Variants in ZC3H14 observed in about 807,000 individuals in gnomAD.
ZC3H14 encodes zinc finger CCCH-type containing 14.
ZC3H14 carries 31 observed loss-of-function variants against 92.4 expected under a neutral mutation model. That is an observed-to-expected ratio of 0.34 (90% CI 0.25 to 0.45). The LOEUF (loss-of-function observed/expected upper bound fraction) is 0.45, where lower values mean the gene tolerates loss of function less well. Ranked by LOEUF, ZC3H14 falls within the 20% of genes least tolerant of loss-of-function variation. ZC3H14 has a pLI of 1.00. For missense variants in ZC3H14, 781 were observed against 897.3 expected (o/e 0.87, Z 1.66); for synonymous variants, 321 against 300.9 (o/e 1.07, Z -0.69).
Position 88,611,922 on chromosome 14 carries a change from T to TATTA in ZC3H14, c.*172_*175dup. The TATTA allele has an allele frequency of 1.1e-6, 1 of 887,376 alleles. No individual in the cohort carries two copies. Among genetic ancestry groups the TATTA allele is most frequent in the African/African-American group, 1.7e-5 (1 of 58,504 alleles). The allele number at this position is 887,376 out of a possible 1,614,324, so 55.0% of individuals were successfully genotyped here. A position where few individuals can be genotyped will look rare whatever the true frequency, so the allele number is the denominator to read the frequency against. On this transcript the variant is annotated 3_prime_UTR_variant, in exon 17 of 17. Coordinates refer to ENST00000251038, the MANE Select transcript of ZC3H14 (RefSeq NM_024824.5). ...GTCTAATTTTTCAAGTTTGTAAGTT[T>TATTA]ATTATGTGGTTTTAACATTGGGTGT...
chr14:88,575,003 C>G, intron 7 of ZC3H14, 150 bp downstream of exon 7: 1 of 1,183,856 alleles, frequency 8.4e-7, no homozygotes, highest in East Asian at 2.6e-5. Flanking sequence ...GTGCCACGAT[C>G]TCGGCTCACT....
chr14:88,620,780 G>C lies in ZC3H14; in HGVS notation c.*9029G>C. On this transcript the variant is annotated 3_prime_UTR_variant, in exon 17 of 17. Transcript: ENST00000251038. The surrounding 1 kb of genome is among the most constrained non-coding windows in gnomAD (Gnocchi z 4.3). ...TGATATCATGGATTGCACATCTCCT[G>C]TCTCTCTTCTTTCCCCATATTTTTA... The C allele has an allele frequency of 1.2e-6, 2 of 1,604,314 alleles. No individual in the cohort carries two copies. Among genetic ancestry groups the C allele is most frequent in the Non-Finnish European group, 1.7e-6 (2 of 1,176,866 alleles).
intron 8 of ZC3H14, 91 bp from the exon 9 acceptor site, chr14:88,577,894 G>GA (rs2081369461): frequency 6.5e-7 from 1 of 1,534,940 alleles, no homozygotes; most frequent in Admixed American, 1.7e-5. Context: ...TAAACCAAAG[G>GA]AGGCATTTAT....
Position 88,618,032 on chromosome 14 carries a change from C to T in ZC3H14, c.*6281C>T. 2 of 375,412 alleles carry T rather than the reference C, an allele frequency of 5.3e-6. No individual in the cohort carries two copies. Among genetic ancestry groups the T allele is most frequent in the Non-Finnish European group, 9.4e-6 (2 of 212,430 alleles). The allele number at this position is 375,412 out of a possible 1,614,324, so 23.3% of individuals were successfully genotyped here. A position where few individuals can be genotyped will look rare whatever the true frequency, so the allele number is the denominator to read the frequency against. On this transcript the variant is annotated 3_prime_UTR_variant, in exon 17 of 17. Coordinates refer to ENST00000251038, the MANE Select transcript of ZC3H14 (RefSeq NM_024824.5). The stretch of plus-strand genomic sequence containing the variant: ...TCCTTAAAAAAAAAACTTGATAAAT[C>T]ATGGAAACTGATAAAACATGGAAAT...
intron 9 of ZC3H14, chr14:88,594,724 T>C (rs2083570699): frequency 1.2e-6 from 2 of 1,613,986 alleles, no homozygotes; most frequent in Non-Finnish European, 1.7e-6. Context: ...TCCTGTCACC[T>C]TTATGAGAAT....
chr14:88,577,265 A>T (rs1030031425), intron 8 of ZC3H14, among the ~76,000 whole-genome samples: 2 of 152,222 alleles, frequency 1.3e-5, no homozygotes, highest in Admixed American at 6.5e-5. Context: ...TCTATCAGCA[A>T]TATTAATTGT....
Position 88,626,640 on chromosome 14 carries a change from C to G in ZC3H14, c.*14889C>G, listed in dbSNP as rs2089985608. ...TCAAAAAAAAAAAAAAATCCTTTTC[C>G]CCCTCTCATTAACATTCTTTTCACT... On this transcript the variant is annotated 3_prime_UTR_variant, in exon 17 of 17. Coordinates refer to ENST00000251038, the MANE Select transcript of ZC3H14 (RefSeq NM_024824.5). 1 of 620,948 alleles carries G rather than the reference C, an allele frequency of 1.6e-6. No homozygotes were observed. Among genetic ancestry groups the G allele is most frequent in the South Asian group, 2.2e-5 (1 of 45,842 alleles). The allele number at this position is 620,948 out of a possible 1,614,324, so 38.5% of individuals were successfully genotyped here.
Position 88,563,053 on chromosome 14 carries a change from C to T in ZC3H14, c.-81C>T, listed in dbSNP as rs1595440380. 9.8e-6 allele frequency: 15 copies of T among 1,527,606 alleles called. No individual in the cohort carries two copies. Among genetic ancestry groups the T allele is most frequent in the Middle Eastern group, 2.1e-4 (1 of 4,664 alleles). 94.6% of individuals were successfully genotyped at this position (1,527,606 alleles called of 1,614,324 possible). ...AACGGAGGAGGAGGCGGTGGTGTCC[C>T]GGCTGCGGGGTAGGAGTCCGCGGCA... is the stretch of plus-strand genomic sequence containing the variant. On this transcript the variant is annotated 5_prime_UTR_variant, in exon 1 of 17. Coordinates refer to ENST00000251038, the MANE Select transcript of ZC3H14 (RefSeq NM_024824.5).
intron 15 of ZC3H14, among the ~76,000 whole-genome samples, chr14:88,610,217 G>A (rs2086351594): frequency 6.6e-6 from 1 of 152,158 alleles, no homozygotes; most frequent in South Asian, 2.1e-4. Flanking sequence ...TGGTCAAAAT[G>A]AATTATCTCC....
intron 10 of ZC3H14, among the ~76,000 whole-genome samples, chr14:88,599,717 C>T (rs547283174): frequency 6.6e-6 from 1 of 152,210 alleles, no homozygotes; most frequent in African/African-American, 2.4e-5. Context: ...GCTTTGCTCT[C>T]TCCCACCTTC....
chr14:88,616,529 A>G lies in ZC3H14; in HGVS notation c.*4778A>G. On this transcript the variant is annotated 3_prime_UTR_variant, in exon 17 of 17. Transcript: ENST00000251038. ...AAAAGCTAATTACAGCTTTTGTAGG[A>G]TGGTTCCAAAGATGGTATTACTCGA... 1.6e-6 allele frequency: 1 copy of G among 612,638 alleles called. No individual in the cohort carries two copies. The highest frequency in any genetic ancestry group is 2.8e-6 in the Non-Finnish European group (1 of 356,764). The allele number at this position is 612,638 out of a possible 1,614,324, so 38.0% of individuals were successfully genotyped here.
At chr14:88,602,778 G>A (rs772427306) in intron 11 of ZC3H14, 50 bp from the exon 12 acceptor site, 60 of 1,589,640 alleles carry the variant, frequency 3.8e-5, no homozygotes, top group Non-Finnish European at 4.8e-5. Context: ...GGGGCTCAGC[G>A]TTTTGTGTTT....
intron 5 of ZC3H14, 22 bp from the exon 6 acceptor site, chr14:88,572,556 A>C: frequency 6.2e-7 from 1 of 1,613,822 alleles, no homozygotes; most frequent in South Asian, 1.1e-5. Flanking sequence ...GCTGTAATAC[A>C]TTTTGTTGTT....
chr14:88,574,004 T>C (rs1372224242), intron 6 of ZC3H14, among the ~76,000 whole-genome samples: 1 of 152,224 alleles, frequency 6.6e-6, no homozygotes, highest in Non-Finnish European at 1.5e-5. Flanking sequence ...AGTTCTTTTG[T>C]ATCACATCTG....
Position 88,622,794 on chromosome 14 carries a change from A to T in ZC3H14, c.*11043A>T, listed in dbSNP as rs184503352. On this transcript the variant is annotated 3_prime_UTR_variant, in exon 17 of 17. Transcript: ENST00000251038. ...TTTTATTATAAACAAATACCAAGTT[A>T]TAAGCAGAATCTTTTTTTTTTAAAA... is the stretch of plus-strand genomic sequence containing the variant. 6.0e-4 allele frequency: 585 copies of T among 970,054 alleles called. 5 individuals are homozygous for T. In the African/African-American group the frequency reaches 0.011, roughly 17 times the overall value. The allele number at this position is 970,054 out of a possible 1,614,324, so 60.1% of individuals were successfully genotyped here. A position where few individuals can be genotyped will look rare whatever the true frequency, so the allele number is the denominator to read the frequency against.
rs376830332 is a variant in ZC3H14, at chr14:88,618,830, G to C, written c.*7079G>C. The stretch of plus-strand genomic sequence containing the variant: ...GACTAAATCTGAATCAAAACAAAAC[G>C]TAAAAAGTATTAGACCACATGAAGT... On this transcript the variant is annotated 3_prime_UTR_variant, in exon 17 of 17. Coordinates refer to ENST00000251038, the MANE Select transcript of ZC3H14 (RefSeq NM_024824.5). 6.4e-7 allele frequency: 1 copy of C among 1,555,428 alleles called. No individual in the cohort carries two copies. Among genetic ancestry groups the C allele is most frequent in the South Asian group, 1.2e-5 (1 of 83,498 alleles).
chr14:88,594,718 G>A (rs1487537548), intron 9 of ZC3H14: 2 of 1,613,910 alleles, frequency 1.2e-6, no homozygotes, highest in African/African-American at 1.3e-5. Flanking sequence ...TGAGGTTCCT[G>A]TCACCTTTAT....
chr14:88,594,928 T>G, intron 9 of ZC3H14: 1 of 1,614,012 alleles, frequency 6.2e-7, no homozygotes, highest in Non-Finnish European at 8.5e-7. Flanking sequence ...AGCAAATCTT[T>G]TTGATCTAAA....
At chr14:88,573,222 T>C (rs2080691676) in intron 6 of ZC3H14, among the ~76,000 whole-genome samples, 2 of 151,382 alleles carry the variant, frequency 1.3e-5, no homozygotes, top group South Asian at 4.2e-4. Context: ...CTACTAAAAA[T>C]ACAAAAAATT....
Sources: allele counts gnomAD v4.1 joint callset (sites outside exome capture counted in the v4.1 genomes callset), GRCh38; gene constraint gnomAD v4.1.1; non-coding constraint Gnocchi (gnomAD v3.1); transcripts MANE v1.5; gene names NCBI Gene and HGNC (gene_info 2026-07-23, HGNC 2026-07-21).